The following ALS2 variants were observed in gnomAD, a reference collection of about 807,000 sequenced individuals.
ALS2 encodes alsin Rho guanine nucleotide exchange factor ALS2, also known as alsin.
ALS2 carries 117 observed loss-of-function variants against 203.4 expected under a neutral mutation model. That is an observed-to-expected ratio of 0.58 (90% CI 0.50 to 0.67). The LOEUF is 0.67. Ranked by LOEUF, ALS2 falls within the 30% of genes least tolerant of loss-of-function variation. The probability of loss-of-function intolerance (pLI) is 0.00; values close to 1 mark genes in which losing one functional copy is unlikely to be tolerated. For missense variants in ALS2, 1,715 were observed against 1,989.4 expected (o/e 0.86, Z 2.62); for synonymous variants, 718 against 725.9 (o/e 0.99, Z 0.17).
intron 21 of ALS2, 114 bp downstream of exon 21, chr2:201,724,181 A>G: frequency 1.7e-6 from 2 of 1,148,884 alleles, no homozygotes; most frequent in Admixed American, 1.9e-5. Flanking sequence ...CTCAAACTCA[A>G]AGAAATCTTA....
intron 4 of ALS2, chr2:201,760,648 C>T (rs1352783736): frequency 7.6e-7 from 1 of 1,317,562 alleles, no homozygotes; most frequent in African/African-American, 1.5e-5. Context: ...ACTTATAAAA[C>T]AAGCCCAACA....
intron 23 of ALS2, 175 bp downstream of exon 23, chr2:201,722,868 A>G (rs1278175468): frequency 1.0e-5 from 6 of 602,570 alleles, no homozygotes; most frequent in Non-Finnish European, 1.5e-5. Flanking sequence ...GGCGATGGAA[A>G]TGTTCTGAAA....
chr2:201,723,182 C>A lies in ALS2; in HGVS notation c.3625-62G>T, dbSNP rs568322122. 9.1e-6 allele frequency: 13 copies of A among 1,435,038 alleles called. No homozygotes were observed. In the East Asian group the frequency reaches 2.5e-4, roughly 28 times the overall value. 88.9% of individuals were successfully genotyped at this position (1,435,038 alleles called of 1,614,324 possible). A position where few individuals can be genotyped will look rare whatever the true frequency, so the allele number is the denominator to read the frequency against. On this transcript the variant is annotated intron_variant, in intron 22 of 33. Transcript: ENST00000264276. Reference sequence around the variant, plus strand: ...AAATACAGAGTAACTTAAGAGTGCACGCAGTCATATCCCCAAAGCCTTATG... The same window carrying A: ...AAATACAGAGTAACTTAAGAGTGCAAGCAGTCATATCCCCAAAGCCTTATG...
At chr2:201,725,567 G>A (rs1691115066) in intron 19 of ALS2, 113 bp from the exon 20 acceptor site, 2 of 929,934 alleles carry the variant, frequency 2.2e-6, no homozygotes, top group South Asian at 2.6e-5. Flanking sequence ...ACATTCACCT[G>A]TAGGAGTAAA....
At chr2:201,755,231 C>T (rs1432345935) in intron 5 of ALS2, among the ~76,000 whole-genome samples, 1 of 152,062 alleles carries the variant, frequency 6.6e-6, no homozygotes, top group Non-Finnish European at 1.5e-5. Flanking sequence ...ATACCCACTG[C>T]ACTCCAGCCT....
At chr2:201,717,735 G>A (rs1175671172) in intron 24 of ALS2, among the ~76,000 whole-genome samples, 1 of 151,680 alleles carries the variant, frequency 6.6e-6, no homozygotes, top group Non-Finnish European at 1.5e-5. Context: ...CTTAAGCTCA[G>A]GTTCAAGACC....
chr2:201,728,459 A>T (rs1691334463), intron 15 of ALS2, 53 bp downstream of exon 15: 3 of 1,607,258 alleles, frequency 1.9e-6, no homozygotes, highest in Non-Finnish European at 2.6e-6. Flanking sequence ...ACAGTTAATA[A>T]GGATAGGGGT....
At chr2:201,751,138 C>T (rs559786598) in intron 7 of ALS2, among the ~76,000 whole-genome samples, 8 of 152,186 alleles carry the variant, frequency 5.3e-5, no homozygotes, top group Admixed American at 2.6e-4. Context: ...CAGGCATGAG[C>T]CACCACACTC....
At chr2:201,726,992 T>G in intron 17 of ALS2, 126 bp from the exon 18 acceptor site, 1 of 912,470 alleles carries the variant, frequency 1.1e-6, no homozygotes, top group South Asian at 1.4e-5. Flanking sequence ...ATTAATAGAG[T>G]AATATTGACT....
chr2:201,778,553 T>C (rs1694754371), intron 1 of ALS2: 1 of 152,132 alleles, frequency 6.6e-6, no homozygotes, highest in Admixed American at 6.5e-5. Context: ...AAATGCAATA[T>C]GAAAAAGAAA....
rs1009516621 is a variant in ALS2 at position 201,712,080 on chromosome 2, T to C, written c.4005-972A>G. 5.3e-5 allele frequency among the ~76,000 whole-genome samples: 8 copies of C among 151,350 alleles called. No individual in the cohort carries two copies. The East Asian group carries it at 1.5e-3, about 29-fold the overall frequency. ...AATCAATTCCTATTTATCCCAAATA[T>C]AGAAAAAAAAATTACTTCTTTCTAC... On this transcript the variant is annotated intron_variant, in intron 25 of 33. Transcript: ENST00000264276.
chr2:201,724,983 G>A (rs185970231), intron 20 of ALS2, among the ~76,000 whole-genome samples: 6 of 152,002 alleles, frequency 3.9e-5, no homozygotes, highest in Admixed American at 3.9e-4. Context: ...TGTGGTGGCG[G>A]GCGCCTGGAG....
intron 13 of ALS2, among the ~76,000 whole-genome samples, chr2:201,729,897 A>AAAAAAAAAAAAC: frequency 6.7e-6 from 1 of 150,090 alleles, no homozygotes; most frequent in Admixed American, 6.6e-5. Context: ...AAAAAAAAAA[A>AAAAAAAAAAAAC]AAAAAACAAC....
intron 9 of ALS2, among the ~76,000 whole-genome samples, chr2:201,745,081 G>A (rs1692543045): frequency 6.6e-6 from 1 of 152,194 alleles, no homozygotes; most frequent in Non-Finnish European, 1.5e-5. Flanking sequence ...GGTAACCAAA[G>A]ACACACACGA....
chr2:201,770,887 T>C (rs907830981), intron 1 of ALS2, among the ~76,000 whole-genome samples: 1 of 152,196 alleles, frequency 6.6e-6, no homozygotes, highest in Non-Finnish European at 1.5e-5. Flanking sequence ...GACTTTAGTC[T>C]ACAAGACCTG....
At chr2:201,715,585 T>C in intron 25 of ALS2, 87 bp downstream of exon 25, 3 of 1,493,534 alleles carry the variant, frequency 2.0e-6, no homozygotes, top group Middle Eastern at 1.8e-4. Flanking sequence ...ACTTTTAAAT[T>C]AAATGTGGTG....
chr2:201,767,847 G>A lies in ALS2; in HGVS notation c.21-464C>T, dbSNP rs563492697. ...CTTGCCACTGCACTCCAGCCTGGGCGACAGAGCAAGACTCTGTCTAAAAAA... is the reference window on the plus strand; with the variant it reads ...CTTGCCACTGCACTCCAGCCTGGGCAACAGAGCAAGACTCTGTCTAAAAAA... On this transcript the variant is annotated intron_variant, in intron 2 of 33. Transcript: ENST00000264276. Among the ~76,000 whole-genome samples, 231 of 136,428 alleles carry A rather than the reference G, an allele frequency of 1.7e-3. 1 individual carries two copies. The highest frequency in any genetic ancestry group is 7.9e-3 in the Middle Eastern group (2 of 252). 89.5% of individuals were successfully genotyped at this position (136,428 alleles called of 152,430 possible).
At chr2:201,710,069 T>G in intron 26 of ALS2, 31 bp from the exon 27 acceptor site, 1 of 1,611,992 alleles carries the variant, frequency 6.2e-7, no homozygotes, top group East Asian at 2.2e-5. Context: ...TGAAGTCAGT[T>G]GATGTGCATT....
chr2:201,729,876 T>C (rs1691439942), intron 13 of ALS2, among the ~76,000 whole-genome samples: 2 of 57,974 alleles, frequency 3.4e-5, no homozygotes. Flanking sequence ...CGAGACTCCG[T>C]CTCAAAAAAA....
Sources: gnomAD v4.1 joint callset for allele counts (sites outside exome capture counted in the v4.1 genomes callset) on GRCh38, gnomAD v4.1.1 for gene constraint, MANE v1.5 for transcripts, NCBI Gene and HGNC (gene_info 2026-07-23, HGNC 2026-07-21) for gene names.